Variants in ARHGAP22 observed in about 807,000 individuals in gnomAD.
ARHGAP22 encodes Rho GTPase activating protein 22.
Under a neutral mutation model 59.1 loss-of-function variants are expected in ARHGAP22, and 48 were observed. The observed-to-expected ratio is 0.81, with a 90% confidence interval of 0.64 to 1.03. The LOEUF is 1.03. ARHGAP22 is among the 50% of genes least tolerant of loss of function. The pLI is 0.00. For synonymous variants in ARHGAP22, 445 were observed against 416.4 expected (o/e 1.07, Z -0.84); for missense variants, 1,015 against 958.7 (o/e 1.06, Z -0.78).
At chr10:48,509,783 C>T (rs2052563806) in intron 3 of ARHGAP22, among the ~76,000 whole-genome samples, 1 of 152,192 alleles carries the variant, frequency 6.6e-6, no homozygotes, top group Non-Finnish European at 1.5e-5. Context: ...TCCGGATTTC[C>T]AGGGACTTCC....
chr10:48,496,612 C>A (rs1004291664), intron 3 of ARHGAP22, among the ~76,000 whole-genome samples: 1 of 152,178 alleles, frequency 6.6e-6, no homozygotes, highest in Non-Finnish European at 1.5e-5. Context: ...ACCTGACCTC[C>A]TTCTCTAGGA....
intron 3 of ARHGAP22, among the ~76,000 whole-genome samples, chr10:48,548,874 CG>C (rs938763530): frequency 1.3e-5 from 2 of 152,218 alleles, no homozygotes; most frequent in African/African-American, 4.8e-5. Flanking sequence ...ATGCCTGCCC[CG>C]GGGGAGCTAG....
chr10:48,461,072 C>T (rs1435039709), intron 4 of ARHGAP22, among the ~76,000 whole-genome samples: 4 of 149,388 alleles, frequency 2.7e-5, no homozygotes, highest in African/African-American at 5.1e-5. Flanking sequence ...GATGGTTGCA[C>T]GATAATTGAA....
chr10:48,565,923 T>C (rs2058021241), intron 2 of ARHGAP22, among the ~76,000 whole-genome samples: 1 of 152,178 alleles, frequency 6.6e-6, no homozygotes, highest in Non-Finnish European at 1.5e-5. Context: ...AGTCCTAGCA[T>C]GGTGAAGGCA....
intron 1 of ARHGAP22, among the ~76,000 whole-genome samples, chr10:48,590,252 G>A (rs1257895477): frequency 1.3e-5 from 2 of 151,954 alleles, no homozygotes; most frequent in African/African-American, 4.8e-5. Context: ...GCTAGAACGG[G>A]AGGGACCCGA....
intron 3 of ARHGAP22, among the ~76,000 whole-genome samples, chr10:48,492,211 T>C (rs2050470257): frequency 6.6e-6 from 1 of 152,248 alleles, no homozygotes; most frequent in Non-Finnish European, 1.5e-5. Flanking sequence ...ATTGATCAAA[T>C]TATATATCTG....
Position 48,591,435 on chromosome 10 carries a change from A to G in ARHGAP22, c.35-8283T>C, listed in dbSNP as rs57847218. 3.3e-3 allele frequency among the ~76,000 whole-genome samples: 507 copies of G among 152,350 alleles called. 4 individuals are homozygous for G. The highest frequency in any genetic ancestry group is 0.011 in the African/African-American group (475 of 41,580). On this transcript the variant is annotated intron_variant, in intron 1 of 9. Coordinates refer to ENST00000249601, the MANE Select transcript of ARHGAP22 (RefSeq NM_021226.4). ...CATTTCTCAGAATTGAATAAATTAA[A>G]GAAGTGAATATGCAATGGGAGAGAG...
the ARHGAP22 span, among the ~76,000 whole-genome samples, chr10:48,439,515 G>C: frequency 0.97 from 146,523 of 151,798 alleles, 70,888 homozygotes; most frequent in East Asian, 1. Context: ...AAATGATCAC[G>C]CTGATTATCT....
chr10:48,607,611 A>G (rs1213859356), upstream of ARHGAP22, among the ~76,000 whole-genome samples: 1 of 151,902 alleles, frequency 6.6e-6, no homozygotes, highest in African/African-American at 2.4e-5. Context: ...TGAACATGTG[A>G]CCTCCTATAA....
At chr10:48,505,895 A>ACCC (rs766303603) in intron 3 of ARHGAP22, among the ~76,000 whole-genome samples, 2 of 152,134 alleles carry the variant, frequency 1.3e-5, no homozygotes, top group Non-Finnish European at 2.9e-5. Context: ...GGCTCTCCAC[A>ACCC]CCCGTGTTCT....
chr10:48,458,477 T>C (rs2046800668), intron 5 of ARHGAP22, among the ~76,000 whole-genome samples: 1 of 151,946 alleles, frequency 6.6e-6, no homozygotes, highest in African/African-American at 2.4e-5. Flanking sequence ...AGCTTGGCAG[T>C]GTGGGTGAGG....
chr10:48,613,660 CTG>C (rs1237786760), intron 1 of ARHGAP22, among the ~76,000 whole-genome samples: 1 of 148,824 alleles, frequency 6.7e-6, no homozygotes, highest in African/African-American at 2.5e-5. Flanking sequence ...TTATAGACCA[CTG>C]AGAAGAATGT....
intron 1 of ARHGAP22, among the ~76,000 whole-genome samples, chr10:48,591,202 A>G (rs1183260588): frequency 6.6e-6 from 1 of 152,212 alleles, no homozygotes; most frequent in Non-Finnish European, 1.5e-5. Flanking sequence ...CGCAGACTCA[A>G]AAAGAAATGA....
intron 7 of ARHGAP22, 115 bp from the exon 8 acceptor site, chr10:48,453,540 T>G: frequency 6.8e-7 from 1 of 1,479,218 alleles, no homozygotes; most frequent in Non-Finnish European, 9.3e-7. Flanking sequence ...TGTGGGCTTT[T>G]GCCCACTGGG....
chr10:48,596,649 C>A (rs191435698), intron 1 of ARHGAP22, among the ~76,000 whole-genome samples: 3 of 152,314 alleles, frequency 2.0e-5, no homozygotes, highest in Admixed American at 2.0e-4. Flanking sequence ...GAGACCATAC[C>A]CTAAGCCCTT....
At chr10:48,569,586 A>G (rs577098491) in intron 2 of ARHGAP22, among the ~76,000 whole-genome samples, 5 of 152,222 alleles carry the variant, frequency 3.3e-5, no homozygotes, top group Non-Finnish European at 5.9e-5. Flanking sequence ...TCAGTTTTCT[A>G]CGTATTACTG....
intron 4 of ARHGAP22, among the ~76,000 whole-genome samples, chr10:48,476,945 T>A (rs929249432): frequency 6.6e-6 from 1 of 152,206 alleles, no homozygotes; most frequent in Non-Finnish European, 1.5e-5. Flanking sequence ...CTTGGGCAAG[T>A]CATCTCACTT....
chr10:48,623,779 T>C (rs564919004), intron 1 of ARHGAP22, among the ~76,000 whole-genome samples: 1 of 152,202 alleles, frequency 6.6e-6, no homozygotes, highest in Non-Finnish European at 1.5e-5. Flanking sequence ...GAGAATGTTT[T>C]GGGGAGCACA....
At chr10:48,488,902 T>C (rs79948838) in intron 3 of ARHGAP22, among the ~76,000 whole-genome samples, 10,350 of 152,270 alleles carry the variant, frequency 0.068, 486 homozygotes, top group South Asian at 0.098. Flanking sequence ...GACTTTTAGC[T>C]CTGTCTCTTC....
Sources: gnomAD v4.1 joint callset for allele counts (sites outside exome capture counted in the v4.1 genomes callset) on GRCh38, gnomAD v4.1.1 for gene constraint, MANE v1.5 for transcripts, NCBI Gene and HGNC (gene_info 2026-07-23, HGNC 2026-07-21) for gene names.